The following CNBD1 variants were observed in gnomAD, a reference collection of about 807,000 sequenced individuals.
The protein encoded by CNBD1 is cyclic nucleotide-binding domain-containing protein 1.
Under a neutral mutation model 54.4 loss-of-function variants are expected in CNBD1, and 71 were observed. The ratio of observed to expected loss-of-function variants is 1.30; its 90% CI spans 1.08 to 1.59. The LOEUF is 1.59. Ranked by LOEUF, CNBD1 falls within the 40% of genes most tolerant of loss-of-function variation. The pLI, the probability that CNBD1 is intolerant of heterozygous loss-of-function variation, is 0.00. For missense variants in CNBD1, 659 were observed against 518.0 expected, an observed-to-expected ratio of 1.27 and a Z score of -2.64; for synonymous variants, 182 against 170.7, an observed-to-expected ratio of 1.07 and a Z score of -0.51.
chr8:87,176,923 T>G (rs772389976), intron 4 of CNBD1, among the ~76,000 whole-genome samples: 1 of 152,194 alleles, frequency 6.6e-6, no homozygotes, highest in African/African-American at 2.4e-5. Flanking sequence ...ACATTATCTT[T>G]TATAATCTTC....
intron 4 of CNBD1, among the ~76,000 whole-genome samples, chr8:87,155,040 G>C (rs555342548): frequency 1.3e-5 from 2 of 152,236 alleles, no homozygotes; most frequent in Non-Finnish European, 2.9e-5. Context: ...GGGAAGATTT[G>C]CTCTAGTTCA....
chr8:87,398,094 C>CAA (rs1811441397), intron 2 of CNBD1, among the ~76,000 whole-genome samples: 1 of 151,170 alleles, frequency 6.6e-6, no homozygotes, highest in South Asian at 2.1e-4. Flanking sequence ...TCAATTTTCT[C>CAA]TAAGTTTTTA....
intron 2 of CNBD1, among the ~76,000 whole-genome samples, chr8:87,422,926 T>A (rs1385853016): frequency 6.6e-6 from 1 of 152,024 alleles, no homozygotes; most frequent in East Asian, 1.9e-4. Flanking sequence ...TTCTTCCGTT[T>A]GTTTGTATCC....
At chr8:87,034,267 A>G (rs891940443) in intron 4 of CNBD1, among the ~76,000 whole-genome samples, 1 of 152,216 alleles carries the variant, frequency 6.6e-6, no homozygotes, top group Non-Finnish European at 1.5e-5. Flanking sequence ...GTATCATAAT[A>G]TCATTCAAGG....
At chr8:87,385,497 C>T (rs112605403), downstream of CNBD1, among the ~76,000 whole-genome samples, 2,334 of 152,172 alleles carry the variant, frequency 0.015, 58 homozygotes, top group African/African-American at 0.049. Context: ...GAGGGTCCTA[C>T]GCCCACGGAT....
intron 4 of CNBD1, among the ~76,000 whole-genome samples, chr8:87,148,458 T>C (rs1476888947): frequency 6.6e-6 from 1 of 152,230 alleles, no homozygotes; most frequent in African/African-American, 2.4e-5. Context: ...TTATTTATTT[T>C]ACAGAACAGA....
At chr8:87,225,409 G>T (rs1422448335) in intron 5 of CNBD1, among the ~76,000 whole-genome samples, 1 of 152,026 alleles carries the variant, frequency 6.6e-6, no homozygotes, top group Non-Finnish European at 1.5e-5. Context: ...TTTGAAATAT[G>T]TCCCATCAAT....
intron 8 of CNBD1, among the ~76,000 whole-genome samples, chr8:87,344,446 A>T (rs577918646): frequency 1.3e-5 from 2 of 152,234 alleles, no homozygotes; most frequent in South Asian, 2.1e-4. Context: ...AATAATTTTT[A>T]AAAATTTTCA....
intron 4 of CNBD1, among the ~76,000 whole-genome samples, chr8:87,015,036 T>C (rs1236795494): frequency 2.6e-5 from 4 of 152,204 alleles, no homozygotes; most frequent in Admixed American, 6.5e-5. Flanking sequence ...AATGAATTTA[T>C]AAGGGGCTTG....
intron 3 of CNBD1, among the ~76,000 whole-genome samples, chr8:86,916,105 T>C (rs959251235): frequency 1.3e-5 from 2 of 152,282 alleles, no homozygotes; most frequent in East Asian, 1.9e-4. Context: ...AGATATAAAA[T>C]GGAGGTGTTA....
intron 6 of CNBD1, among the ~76,000 whole-genome samples, chr8:87,238,889 C>T (rs542339986): frequency 6.7e-4 from 102 of 152,006 alleles, no homozygotes; most frequent in Non-Finnish European, 1.3e-3. Context: ...ACTGAGAGCT[C>T]CCAGCAGCAA....
chr8:87,282,363 A>G (rs1808616480), intron 6 of CNBD1, among the ~76,000 whole-genome samples: 1 of 151,686 alleles, frequency 6.6e-6, no homozygotes, highest in Non-Finnish European at 1.5e-5. Context: ...TTTTTAGCTA[A>G]TTATTTGCCC....
intron 4 of CNBD1, among the ~76,000 whole-genome samples, chr8:87,139,691 C>T (rs1447249560): frequency 6.6e-6 from 1 of 152,074 alleles, no homozygotes; most frequent in African/African-American, 2.4e-5. Context: ...AATGATAGCA[C>T]AACCAAGCCG....
intron 2 of CNBD1, among the ~76,000 whole-genome samples, chr8:87,422,834 G>A (rs1472690927): frequency 2.0e-5 from 3 of 152,070 alleles, no homozygotes; most frequent in Non-Finnish European, 4.4e-5. Flanking sequence ...GCTTGTTGGG[G>A]ATGGCATTGA....
intron 3 of CNBD1, among the ~76,000 whole-genome samples, chr8:86,938,623 TACTC>T (rs758778813): frequency 6.6e-5 from 10 of 151,470 alleles, no homozygotes; most frequent in Non-Finnish European, 8.8e-5. Context: ...TTGTGAGACT[TACTC>T]ACTATCATGA....
intron 4 of CNBD1, among the ~76,000 whole-genome samples, chr8:87,020,774 T>G (rs1809472036): frequency 1.3e-5 from 2 of 152,212 alleles, no homozygotes; most frequent in Admixed American, 1.3e-4. Flanking sequence ...AGAATCCCCT[T>G]GCCCCTTTGT....
chr8:87,296,942 G>A (rs924483773), intron 8 of CNBD1, among the ~76,000 whole-genome samples: 6 of 151,880 alleles, frequency 4.0e-5, no homozygotes, highest in Admixed American at 2.6e-4. Context: ...TTGGGAGGCC[G>A]AGGCGGGCGG....
chr8:87,397,183 C>G (rs774148446), intron 2 of CNBD1, among the ~76,000 whole-genome samples: 5 of 151,582 alleles, frequency 3.3e-5, no homozygotes, highest in Non-Finnish European at 7.4e-5. Flanking sequence ...TATTCTTATG[C>G]CCTATTTCTT....
intron 4 of CNBD1, among the ~76,000 whole-genome samples, chr8:87,104,455 A>G (rs895850496): frequency 6.6e-6 from 1 of 152,256 alleles, no homozygotes; most frequent in Admixed American, 6.5e-5. Context: ...CAGAAATGCC[A>G]GATTCTGGCA....
Sources: gnomAD v4.1 joint callset for allele counts (sites outside exome capture counted in the v4.1 genomes callset) on GRCh38, gnomAD v4.1.1 for gene constraint, MANE v1.5 for transcripts, NCBI Gene and HGNC (gene_info 2026-07-23, HGNC 2026-07-21) for gene names.